The following TLN2 variants were observed in gnomAD, a reference collection of about 807,000 sequenced individuals.
TLN2 encodes talin-2.
Under a neutral mutation model 294.7 loss-of-function variants are expected in TLN2, and 118 were observed. The ratio of observed to expected loss-of-function variants is 0.40; its 90% CI spans 0.34 to 0.47. The LOEUF is 0.47. TLN2 is among the 20% of genes least tolerant of loss of function. TLN2 has a pLI of 0.84. For missense variants in TLN2, 3,083 were observed against 3,282.2 expected (o/e 0.94, Z 1.48); for synonymous variants, 1,431 against 1,304.5 (o/e 1.10, Z -2.09).
chr15:62,800,268 C>T (rs1027964586), intron 48 of TLN2, 100 bp from the exon 49 acceptor site: 7 of 1,516,750 alleles, frequency 4.6e-6, no homozygotes, highest in Non-Finnish European at 6.2e-6. Context: ...GTCTTTCTCT[C>T]CTCCCCCGTG....
chr15:62,618,385 AC>A lies in TLN2; in HGVS notation c.-124del, dbSNP rs969869431. 3 of 152,126 alleles carry A rather than the reference AC, an allele frequency of 2.0e-5. No homozygotes were observed. The highest frequency in any genetic ancestry group is 7.2e-5 in the African/African-American group (3 of 41,408). 9.4% of individuals were successfully genotyped at this position (152,126 alleles called of 1,614,324 possible). ...CTGGCGGAGGACACCTGCACTTGTT[AC>A]CCTGAGTTGATTCCTGAAACTTCGG... On this transcript the variant is annotated 5_prime_UTR_variant, in exon 3 of 59. Transcript: ENST00000636159.
rs2065467314 is a variant in TLN2 at position 62,796,222 on chromosome 15, G to A, written c.5979G>A (p.Leu1993=). Residue 1993 remains leucine, a synonymous_variant, in exon 47 of 59, where the codon CTG becomes CTA. Transcript: ENST00000636159. ...ATAVSGIIAD[L]DTTIMFATAG... is the part of the protein sequence containing the mutation. Reference sequence around the variant, plus strand: ...CTGTGTCTGGGATCATTGCCGACCTGGACACCACCATTATGTTTGCAACAG... The same window carrying A: ...CTGTGTCTGGGATCATTGCCGACCTAGACACCACCATTATGTTTGCAACAG... 1.9e-6 allele frequency: 3 copies of A among 1,614,194 alleles called. No individual in the cohort carries two copies. Among genetic ancestry groups the A allele is most frequent in the East Asian group, 2.2e-5 (1 of 44,882 alleles).
intron 1 of TLN2, among the ~76,000 whole-genome samples, chr15:62,540,051 T>C (rs750496459): frequency 1.8e-4 from 27 of 151,984 alleles, no homozygotes; most frequent in South Asian, 1.5e-3. Flanking sequence ...ATATAAAAAA[T>C]AAAACAGGCT....
chr15:62,545,967 C>A (rs2041973003), intron 1 of TLN2, among the ~76,000 whole-genome samples: 1 of 152,144 alleles, frequency 6.6e-6, no homozygotes, highest in South Asian at 2.1e-4. Flanking sequence ...TATTTCCTTT[C>A]TGTGCTCTGC....
chr15:62,830,086 G>A (rs777535680), intron 54 of TLN2: 5 of 152,146 alleles, frequency 3.3e-5, no homozygotes, highest in Non-Finnish European at 7.3e-5. Context: ...ATAGCCACAT[G>A]CACAGGATTA....
chr15:62,703,071 T>C (rs2058814331), intron 19 of TLN2, among the ~76,000 whole-genome samples: 1 of 152,102 alleles, frequency 6.6e-6, no homozygotes, highest in South Asian at 2.1e-4. Context: ...CCACCATGCG[T>C]CATCATTGTA....
intron 7 of TLN2, among the ~76,000 whole-genome samples, chr15:62,653,889 A>G (rs1174579867): frequency 6.6e-6 from 1 of 152,188 alleles, no homozygotes; most frequent in African/African-American, 2.4e-5. Flanking sequence ...ATAAGGTTGA[A>G]CAAGTTAATT....
At chr15:62,666,090 A>G (rs528004687) in intron 9 of TLN2, among the ~76,000 whole-genome samples, 35 of 152,294 alleles carry the variant, frequency 2.3e-4, no homozygotes, top group African/African-American at 8.2e-4. Context: ...CGCTGAGGGT[A>G]TCCAGCCCTG....
chr15:62,805,795 T>G lies in TLN2; in HGVS notation c.6663+10T>G. 1.2e-6 allele frequency: 2 copies of G among 1,610,280 alleles called. No individual in the cohort carries two copies. Among genetic ancestry groups the G allele is most frequent in the South Asian group, 1.1e-5 (1 of 90,686 alleles). On this transcript the variant is annotated intron_variant, in intron 51 of 58. Coordinates refer to ENST00000636159, the MANE Select transcript of TLN2 (RefSeq NM_015059.3). ...GTTGACGGCTTGCAAGGTAAAGAGC[T>G]TGGCATGGTTTTGGATGGACAGATG...
chr15:62,437,371 G>C (rs2035335145), intron 1 of TLN2, among the ~76,000 whole-genome samples: 1 of 151,968 alleles, frequency 6.6e-6, no homozygotes, highest in Non-Finnish European at 1.5e-5. Context: ...CATGAGGCCA[G>C]GTCAGCTAGC....
At chr15:62,641,097 C>T (rs2051035813) in intron 3 of TLN2, among the ~76,000 whole-genome samples, 1 of 152,078 alleles carries the variant, frequency 6.6e-6, no homozygotes, top group African/African-American at 2.4e-5. Context: ...CCACTGCACC[C>T]AGCCCACAGG....
At chr15:62,537,188 T>C (rs1169234475) in intron 1 of TLN2, among the ~76,000 whole-genome samples, 2 of 151,898 alleles carry the variant, frequency 1.3e-5, no homozygotes, top group African/African-American at 4.8e-5. Flanking sequence ...CCGGCTAATA[T>C]TTTATATTTT....
chr15:62,706,583 T>A (rs1342707361), intron 19 of TLN2, among the ~76,000 whole-genome samples: 1 of 152,236 alleles, frequency 6.6e-6, no homozygotes, highest in East Asian at 1.9e-4. Flanking sequence ...GAGGTAGAGA[T>A]ATGGCTAAAT....
At chr15:62,555,751 G>T (rs1314471242) in intron 1 of TLN2, among the ~76,000 whole-genome samples, 4 of 151,976 alleles carry the variant, frequency 2.6e-5, no homozygotes, top group African/African-American at 9.7e-5. Flanking sequence ...CTCTTTTTGT[G>T]CCAGTTTTAA....
At chr15:62,690,064 C>T in intron 12 of TLN2, among the ~76,000 whole-genome samples, 1 of 102,706 alleles carries the variant, frequency 9.7e-6, no homozygotes, top group Non-Finnish European at 2.0e-5. Flanking sequence ...GCGCCCCTCA[C>T]CTCCCGGACG....
intron 1 of TLN2, among the ~76,000 whole-genome samples, chr15:62,485,366 G>A (rs907465394): frequency 3.3e-5 from 5 of 152,222 alleles, no homozygotes; most frequent in Admixed American, 3.3e-4. Context: ...AGGTCCAAGG[G>A]TCAGGGCTTC....
At position 62,727,145 on chromosome 15, in the gene TLN2, C is replaced by T. The variant is rs2060483458; in HGVS notation, c.3314C>T (p.Ala1105Val). Residue 1105 changes from alanine to valine, a missense_variant, in exon 28 of 59, where the codon GCA becomes GTA. Ala to Val is a moderately conservative substitution (Grantham distance 64). Transcript: ENST00000636159. Reference protein sequence around the residue: ...STSKAVGSSMAQLLTCAAQGN... With the variant: ...STSKAVGSSMVQLLTCAAQGN... The stretch of plus-strand genomic sequence containing the variant: ...TCCAAGGCGGTGGGCTCCTCCATGG[C>T]ACAGCTGCTGACCTGTGCTGCTCAA... 1 of 1,614,082 alleles carries T rather than the reference C, an allele frequency of 6.2e-7. No individual in the cohort carries two copies. Among genetic ancestry groups the T allele is most frequent in the African/African-American group, 1.3e-5 (1 of 74,924 alleles).
intron 1 of TLN2, among the ~76,000 whole-genome samples, chr15:62,516,862 G>A (rs560629145): frequency 5.3e-4 from 80 of 152,324 alleles, no homozygotes; most frequent in African/African-American, 1.9e-3. Context: ...AATTGCATGA[G>A]GCAGAATTAG....
chr15:62,559,126 G>A (rs552272176), intron 1 of TLN2, among the ~76,000 whole-genome samples: 7 of 152,274 alleles, frequency 4.6e-5, no homozygotes, highest in Non-Finnish European at 8.8e-5. Context: ...CAGGAGAGGA[G>A]AAATTCAGAG....
Sources: allele counts gnomAD v4.1 joint callset (sites outside exome capture counted in the v4.1 genomes callset), GRCh38; gene constraint gnomAD v4.1.1; transcripts MANE v1.5; gene names NCBI Gene and HGNC (gene_info 2026-07-23, HGNC 2026-07-21).